The following ADAMTSL1 variants were observed in gnomAD, a reference collection of about 807,000 sequenced individuals.
The protein encoded by ADAMTSL1 is ADAMTS like 1.
A neutral mutation model predicts 201.8 loss-of-function variants in ADAMTSL1; 126 were observed. The ratio of observed to expected loss-of-function variants is 0.62; its 90% confidence interval spans 0.54 to 0.72. The LOEUF (loss-of-function observed/expected upper bound fraction) is 0.72. ADAMTSL1 is among the 30% of genes least tolerant of loss of function. The pLI is 0.00. For synonymous variants in ADAMTSL1, 1,121 were observed against 903.4 expected (o/e 1.24, Z -4.32); for missense variants, 2,679 against 2,277.8 (o/e 1.18, Z -3.59).
chr9:18,222,779 GC>G (rs1830314238), intron 2 of ADAMTSL1, among the ~76,000 whole-genome samples: 1 of 150,808 alleles, frequency 6.6e-6, no homozygotes, highest in African/African-American at 2.4e-5. Context: ...TTGTTTGCCT[GC>G]AAAAACATCT....
At chr9:18,717,780 A>T (rs919024532) in intron 14 of ADAMTSL1, among the ~76,000 whole-genome samples, 3 of 152,194 alleles carry the variant, frequency 2.0e-5, no homozygotes, top group Admixed American at 6.5e-5. Flanking sequence ...ATAAGTAAAA[A>T]TCTCTCTTGT....
At chr9:18,663,686 A>G (rs1829251574) in intron 9 of ADAMTSL1, among the ~76,000 whole-genome samples, 1 of 151,802 alleles carries the variant, frequency 6.6e-6, no homozygotes, top group Admixed American at 6.6e-5. Context: ...TGACAATTTC[A>G]CTTCCCACAA....
At chr9:18,695,556 T>C (rs1363542147) in intron 13 of ADAMTSL1, among the ~76,000 whole-genome samples, 2 of 152,204 alleles carry the variant, frequency 1.3e-5, no homozygotes, top group African/African-American at 4.8e-5. Flanking sequence ...TTCCACCAGT[T>C]ACCCTAAATT....
chr9:18,803,438 A>C (rs1277777610), intron 20 of ADAMTSL1, among the ~76,000 whole-genome samples: 1 of 152,180 alleles, frequency 6.6e-6, no homozygotes, highest in Non-Finnish European at 1.5e-5. Context: ...CTACCTTGAT[A>C]ACTTAGAATA....
chr9:18,229,766 G>C (rs1020583072), intron 2 of ADAMTSL1, among the ~76,000 whole-genome samples: 5 of 151,642 alleles, frequency 3.3e-5, no homozygotes, highest in African/African-American at 9.7e-5. Context: ...TGCGATCTTG[G>C]CTCACTGCAA....
intron 1 of ADAMTSL1, among the ~76,000 whole-genome samples, chr9:18,072,758 C>T (rs781073215): frequency 3.3e-5 from 5 of 152,188 alleles, no homozygotes; most frequent in Non-Finnish European, 5.9e-5. Flanking sequence ...TACTATTAGG[C>T]TGACAATTTT....
At chr9:18,551,828 G>A (rs954278820) in intron 3 of ADAMTSL1, among the ~76,000 whole-genome samples, 1 of 151,750 alleles carries the variant, frequency 6.6e-6, no homozygotes, top group African/African-American at 2.4e-5. Context: ...TTCTCGAATA[G>A]TTGTGTTTTT....
chr9:18,557,925 A>G (rs1821203393), intron 3 of ADAMTSL1, among the ~76,000 whole-genome samples: 1 of 152,112 alleles, frequency 6.6e-6, no homozygotes, highest in African/African-American at 2.4e-5. Context: ...ATAATTAAAA[A>G]GCACAGAGGA....
At chr9:18,321,836 G>C (rs1046332783) in intron 2 of ADAMTSL1, among the ~76,000 whole-genome samples, 9 of 152,106 alleles carry the variant, frequency 5.9e-5, no homozygotes, top group African/African-American at 2.2e-4. Context: ...ACAGTTTTAA[G>C]TGCATTCTTT....
intron 23 of ADAMTSL1, among the ~76,000 whole-genome samples, chr9:18,863,482 T>C (rs1165135332): frequency 1.3e-5 from 2 of 152,102 alleles, no homozygotes; most frequent in African/African-American, 4.8e-5. Context: ...TTTGGGAAAA[T>C]GTACATGGGA....
chr9:18,861,077 GTTATACAGAGATCATATACACATCCCTCA>G (rs1827185623), intron 23 of ADAMTSL1, among the ~76,000 whole-genome samples: 1 of 150,876 alleles, frequency 6.6e-6, no homozygotes. Flanking sequence ...CACATCCCTC[GTTATACAGAGATCATATACACATCCCTCA>G]TTATACAGAG....
intron 23 of ADAMTSL1, among the ~76,000 whole-genome samples, chr9:18,887,183 G>C (rs563725478): frequency 3.2e-4 from 48 of 152,286 alleles, no homozygotes; most frequent in African/African-American, 8.9e-4. Flanking sequence ...CCGATTCTAT[G>C]CTACAAAGTC....
intron 1 of ADAMTSL1, among the ~76,000 whole-genome samples, chr9:17,971,173 C>T (rs1362885611): frequency 6.6e-6 from 1 of 151,968 alleles, no homozygotes; most frequent in African/African-American, 2.4e-5. Flanking sequence ...TATTATAACA[C>T]GTTTGCCTTT....
intron 2 of ADAMTSL1, among the ~76,000 whole-genome samples, chr9:18,233,898 T>G (rs1830741221): frequency 6.6e-6 from 1 of 152,176 alleles, no homozygotes. Context: ...TGACTTCATC[T>G]CTCAAATTAT....
At chr9:18,376,602 C>T (rs909636891) in intron 2 of ADAMTSL1, among the ~76,000 whole-genome samples, 8 of 152,048 alleles carry the variant, frequency 5.3e-5, no homozygotes, top group Middle Eastern at 3.4e-3. Context: ...GTCAGGAGTT[C>T]GAGACAAGCC....
At chr9:18,775,149 C>T (rs1411606827) in intron 17 of ADAMTSL1, among the ~76,000 whole-genome samples, 2 of 152,158 alleles carry the variant, frequency 1.3e-5, no homozygotes, top group Admixed American at 6.5e-5. Flanking sequence ...TTCATTTTAA[C>T]AATGCATTTG....
At chr9:18,881,270 CT>C (rs1335904776) in intron 23 of ADAMTSL1, among the ~76,000 whole-genome samples, 1 of 152,170 alleles carries the variant, frequency 6.6e-6, no homozygotes, top group African/African-American at 2.4e-5. Context: ...AGCAAGAGAC[CT>C]GTCTTGGCTT....
chr9:18,744,877 C>T (rs1379425614), intron 15 of ADAMTSL1, among the ~76,000 whole-genome samples: 3 of 152,160 alleles, frequency 2.0e-5, no homozygotes, highest in African/African-American at 4.8e-5. Flanking sequence ...TGTAAAACGT[C>T]TCTCCATGTG....
chr9:18,643,941 A>T (rs1223844931), intron 7 of ADAMTSL1, among the ~76,000 whole-genome samples: 2 of 151,518 alleles, frequency 1.3e-5, no homozygotes, highest in Non-Finnish European at 2.9e-5. Flanking sequence ...TTTGATGGAG[A>T]TTCCATTAAA....
Sources: gnomAD v4.1 joint callset for allele counts (sites outside exome capture counted in the v4.1 genomes callset) on GRCh38, gnomAD v4.1.1 for gene constraint, MANE v1.5 for transcripts, NCBI Gene and HGNC (gene_info 2026-07-23, HGNC 2026-07-21) for gene names.